Variants in DLG2 observed in about 807,000 individuals in gnomAD.
DLG2 encodes the protein discs large MAGUK scaffold protein 2.
DLG2 carries 45 observed loss-of-function variants against 132.5 expected under a neutral mutation model. That is an observed-to-expected ratio of 0.34 (90% confidence interval 0.27 to 0.44). The LOEUF is 0.44. DLG2 is among the 20% of genes least tolerant of loss of function. The pLI, the probability that DLG2 is intolerant of heterozygous loss-of-function variation, is 1.00. For synonymous variants in DLG2, 424 were observed against 419.6 expected, an observed-to-expected ratio of 1.01 and a Z score of -0.13; for missense variants, 1,045 against 1,196.9, an observed-to-expected ratio of 0.87 and a Z score of 1.87.
chr11:84,723,886 A>C (rs1253831568), intron 6 of DLG2, among the ~76,000 whole-genome samples: 1 of 152,198 alleles, frequency 6.6e-6, no homozygotes, highest in African/African-American at 2.4e-5. Flanking sequence ...TCCTAATGAC[A>C]ACTTTCCTCA....
intron 10 of DLG2, among the ~76,000 whole-genome samples, chr11:84,069,632 T>C (rs1490265924): frequency 6.6e-6 from 1 of 152,222 alleles, no homozygotes; most frequent in Non-Finnish European, 1.5e-5. Context: ...ACAGTGAATG[T>C]ACTGTTTTTC....
chr11:84,834,938 A>G (rs1171617818), intron 6 of DLG2, among the ~76,000 whole-genome samples: 1 of 151,514 alleles, frequency 6.6e-6, no homozygotes, highest in East Asian at 1.9e-4. Context: ...ATCTGACATC[A>G]ATTAAGTTTG....
intron 6 of DLG2, among the ~76,000 whole-genome samples, chr11:85,078,616 C>G (rs115723205): frequency 2.2e-4 from 33 of 151,938 alleles, no homozygotes; most frequent in African/African-American, 7.7e-4. Flanking sequence ...TGTATTTTTA[C>G]AGCAGATTAT....
At chr11:85,198,268 TG>T (rs1209068263) in intron 4 of DLG2, among the ~76,000 whole-genome samples, 11 of 152,320 alleles carry the variant, frequency 7.2e-5, no homozygotes, top group African/African-American at 2.6e-4. Flanking sequence ...TTCAGACCTC[TG>T]GCCCTCCATT....
chr11:83,853,859 T>C (rs2060134450), intron 16 of DLG2, among the ~76,000 whole-genome samples: 1 of 152,134 alleles, frequency 6.6e-6, no homozygotes, highest in South Asian at 2.1e-4. Context: ...CCTTTCGTCA[T>C]CATACTGCAA....
At chr11:83,917,978 T>C (rs1283404092) in intron 15 of DLG2, among the ~76,000 whole-genome samples, 1 of 152,184 alleles carries the variant, frequency 6.6e-6, no homozygotes, top group Non-Finnish European at 1.5e-5. Flanking sequence ...AATGAAGGAT[T>C]GTTTGCAAGT....
chr11:85,203,995 A>T (rs1000475696), intron 4 of DLG2, among the ~76,000 whole-genome samples: 2 of 152,130 alleles, frequency 1.3e-5, no homozygotes, highest in Non-Finnish European at 2.9e-5. Context: ...TCTCTTTATG[A>T]TAAGAACTTT....
intron 11 of DLG2, among the ~76,000 whole-genome samples, chr11:84,031,579 G>A (rs1196001586): frequency 6.6e-6 from 1 of 152,102 alleles, no homozygotes; most frequent in Non-Finnish European, 1.5e-5. Flanking sequence ...CAGTAAACTA[G>A]GTATGAATGT....
intron 6 of DLG2, among the ~76,000 whole-genome samples, chr11:84,799,385 A>C (rs1204289491): frequency 6.6e-6 from 1 of 152,164 alleles, no homozygotes; most frequent in African/African-American, 2.4e-5. Context: ...GGCACCATGC[A>C]GCTGCTGCCG....
chr11:85,345,017 C>G (rs1459851664), intron 3 of DLG2, among the ~76,000 whole-genome samples: 1 of 151,188 alleles, frequency 6.6e-6, no homozygotes, highest in African/African-American at 2.4e-5. Context: ...GGTAGTAACT[C>G]AATACGGTTG....
intron 3 of DLG2, among the ~76,000 whole-genome samples, chr11:85,322,824 T>C (rs1288848258): frequency 5.3e-5 from 8 of 152,132 alleles, no homozygotes. Context: ...TATCTCTTGA[T>C]TTGTCAATTT....
At chr11:84,714,083 T>A (rs928214479) in intron 6 of DLG2, among the ~76,000 whole-genome samples, 1 of 152,032 alleles carries the variant, frequency 6.6e-6, no homozygotes, top group African/African-American at 2.4e-5. Context: ...AGTTTTTACA[T>A]CTAGTCCTCT....
chr11:85,003,551 CA>C (rs1037694231), intron 6 of DLG2, among the ~76,000 whole-genome samples: 1 of 151,974 alleles, frequency 6.6e-6, no homozygotes, highest in African/African-American at 2.4e-5. Flanking sequence ...GTAAATAATA[CA>C]AAAATAATTT....
intron 17 of DLG2, among the ~76,000 whole-genome samples, chr11:83,828,770 T>G (rs1375080430): frequency 6.6e-6 from 1 of 152,266 alleles, no homozygotes; most frequent in Non-Finnish European, 1.5e-5. Context: ...TAAAGCAGAG[T>G]TGATAGTAAT....
chr11:83,465,974 T>TATATGAATTTA (rs2136226563), intron 26 of DLG2, among the ~76,000 whole-genome samples: 1 of 152,320 alleles, frequency 6.6e-6, no homozygotes, highest in South Asian at 2.1e-4. Flanking sequence ...GACTTTACAG[T>TATATGAATTTA]CAGATCGTGA....
intron 6 of DLG2, among the ~76,000 whole-genome samples, chr11:84,946,554 C>T (rs2050223013): frequency 6.6e-6 from 1 of 151,862 alleles, no homozygotes; most frequent in African/African-American, 2.4e-5. Context: ...TGCCTAGTGC[C>T]CTATTATATA....
intron 6 of DLG2, among the ~76,000 whole-genome samples, chr11:84,536,521 T>C (rs1185671720): frequency 6.6e-6 from 1 of 152,214 alleles, no homozygotes; most frequent in African/African-American, 2.4e-5. Context: ...TTTGGGAATG[T>C]AATCTGCCTC....
chr11:85,606,164 A>G (rs2080521656), intron 2 of DLG2, among the ~76,000 whole-genome samples: 1 of 152,224 alleles, frequency 6.6e-6, no homozygotes, highest in Admixed American at 6.5e-5. Flanking sequence ...TAACTATAGT[A>G]TGATATGTAT....
chr11:85,040,248 T>C (rs2061746716), intron 6 of DLG2, among the ~76,000 whole-genome samples: 1 of 151,954 alleles, frequency 6.6e-6, no homozygotes, highest in Non-Finnish European at 1.5e-5. Flanking sequence ...TTTAACCACT[T>C]CTTGTAGCAT....
Sources: gnomAD v4.1 joint callset for allele counts (sites outside exome capture counted in the v4.1 genomes callset) on GRCh38, gnomAD v4.1.1 for gene constraint, MANE v1.5 for transcripts, NCBI Gene and HGNC (gene_info 2026-07-23, HGNC 2026-07-21) for gene names.